The following CDYL2 variants were observed in gnomAD, a reference collection of about 807,000 sequenced individuals.
CDYL2 encodes the protein chromodomain Y like 2.
Under a neutral mutation model 49.4 loss-of-function variants are expected in CDYL2, and 23 were observed. The observed-to-expected ratio is 0.47, with a 90% CI of 0.34 to 0.66. The LOEUF (loss-of-function observed/expected upper bound fraction) is 0.66, where lower values mean the gene tolerates loss of function less well. CDYL2 is among the 30% of genes least tolerant of loss of function. CDYL2 has a pLI of 0.01. For missense variants in CDYL2, 678 were observed against 656.4 expected (o/e 1.03, Z -0.36); for synonymous variants, 360 against 268.8 (o/e 1.34, Z -3.32).
chr16:80,689,370 G>A (rs1266556378), intron 1 of CDYL2, among the ~76,000 whole-genome samples: 1 of 152,186 alleles, frequency 6.6e-6, no homozygotes, highest in Non-Finnish European at 1.5e-5. Flanking sequence ...ATAGTTCCAG[G>A]AACTGTGTAA....
At chr16:80,676,060 C>T (rs1451396504) in intron 2 of CDYL2, among the ~76,000 whole-genome samples, 2 of 152,110 alleles carry the variant, frequency 1.3e-5, no homozygotes, top group Non-Finnish European at 2.9e-5. Context: ...CGATTCTCCC[C>T]TTGGATCTGC....
At chr16:80,712,215 A>ATATATATATATC (rs763194077) in intron 1 of CDYL2, among the ~76,000 whole-genome samples, 61 of 128,372 alleles carry the variant, frequency 4.8e-4, no homozygotes, top group South Asian at 1.8e-3. Flanking sequence ...ATATATATAT[A>ATATATATATATC]TCTCCAAACC....
chr16:80,761,631 G>A (rs564803277), intron 1 of CDYL2, among the ~76,000 whole-genome samples: 1 of 152,190 alleles, frequency 6.6e-6, no homozygotes, highest in South Asian at 2.1e-4. Flanking sequence ...TCTGAGAGAG[G>A]CCAGGAAGAC....
chr16:80,796,939 T>C (rs1315550793), intron 1 of CDYL2, among the ~76,000 whole-genome samples: 4 of 152,122 alleles, frequency 2.6e-5, no homozygotes, highest in Non-Finnish European at 4.4e-5. Context: ...CAAAGGACAT[T>C]ATTAACCATC....
chr16:80,732,999 C>G (rs981037266), intron 1 of CDYL2, among the ~76,000 whole-genome samples: 2 of 152,076 alleles, frequency 1.3e-5, no homozygotes, highest in African/African-American at 2.4e-5. Flanking sequence ...GTGATAAAGC[C>G]ATTGATCAAA....
intron 6 of CDYL2, 57 bp from the exon 7 acceptor site, chr16:80,604,603 T>G: frequency 6.3e-7 from 1 of 1,590,840 alleles, no homozygotes; most frequent in Non-Finnish European, 8.6e-7. Context: ...GCTCCAGAAC[T>G]AGGTACCTGG....
chr16:80,687,507 A>G (rs1249769491), intron 1 of CDYL2, among the ~76,000 whole-genome samples: 1 of 151,748 alleles, frequency 6.6e-6, no homozygotes, highest in African/African-American at 2.4e-5. Flanking sequence ...GATGGATGGT[A>G]GGATGTATGG....
chr16:80,770,857 G>A (rs1302736998), intron 1 of CDYL2, among the ~76,000 whole-genome samples: 4 of 152,120 alleles, frequency 2.6e-5, no homozygotes, highest in African/African-American at 9.7e-5. Flanking sequence ...AGGAAGAGAA[G>A]AAATTAAACG....
At chr16:80,606,020 G>C (rs1016394234) in intron 6 of CDYL2, among the ~76,000 whole-genome samples, 1 of 152,230 alleles carries the variant, frequency 6.6e-6, no homozygotes, top group Non-Finnish European at 1.5e-5. Context: ...GTTACAGCCA[G>C]AAGTGAGGCC....
chr16:80,759,149 AAATATATGGTT>A (rs1906439336), intron 1 of CDYL2, among the ~76,000 whole-genome samples: 50 of 114,050 alleles, frequency 4.4e-4, no homozygotes, highest in African/African-American at 6.5e-4. Flanking sequence ...TGGTTTATAT[AAATATATGGTT>A]TATATATATA....
chr16:80,628,217 T>C (rs1278866678), intron 3 of CDYL2: 2 of 152,252 alleles, frequency 1.3e-5, no homozygotes, highest in Admixed American at 6.5e-5. Flanking sequence ...TTGCCTTCTG[T>C]GTGATTTAAA....
intron 1 of CDYL2, among the ~76,000 whole-genome samples, chr16:80,704,625 G>A (rs1904341627): frequency 4.6e-5 from 7 of 152,232 alleles, no homozygotes. Context: ...CTCCTTGGAG[G>A]AAGTGACATT....
intron 2 of CDYL2, 85 bp downstream of exon 2, chr16:80,684,453 G>C: frequency 8.0e-7 from 1 of 1,248,722 alleles, no homozygotes; most frequent in Non-Finnish European, 1.1e-6. Context: ...GGAGGTGGGG[G>C]TCTTATGTAT....
intron 1 of CDYL2, among the ~76,000 whole-genome samples, chr16:80,760,330 C>T (rs1906482353): frequency 6.6e-6 from 1 of 152,090 alleles, no homozygotes; most frequent in Non-Finnish European, 1.5e-5. Flanking sequence ...CTATCACAGA[C>T]TGTGAAGGGT....
chr16:80,622,543 G>A (rs953239080), intron 3 of CDYL2, among the ~76,000 whole-genome samples: 1 of 152,070 alleles, frequency 6.6e-6, no homozygotes, highest in Non-Finnish European at 1.5e-5. Context: ...ATAAAGACAG[G>A]AATTGCATCT....
chr16:80,680,807 G>C (rs1043266122), intron 2 of CDYL2, among the ~76,000 whole-genome samples: 1 of 152,056 alleles, frequency 6.6e-6, no homozygotes, highest in African/African-American at 2.4e-5. Context: ...ACACACCTGT[G>C]GCTGTTACAA....
chr16:80,773,292 T>C (rs1172509061), intron 1 of CDYL2, among the ~76,000 whole-genome samples: 1 of 152,172 alleles, frequency 6.6e-6, no homozygotes, highest in Non-Finnish European at 1.5e-5. Flanking sequence ...TCATAAAATA[T>C]ATAATGTAAA....
chr16:80,684,633 G>C lies in CDYL2; in HGVS notation c.521C>G (p.Ser174Cys), dbSNP rs1424744282. The C allele has an allele frequency of 8.7e-6, 14 of 1,614,022 alleles. No individual in the cohort carries two copies. Among genetic ancestry groups the C allele is most frequent in the East Asian group, 2.2e-5 (1 of 44,894 alleles). Residue 174 changes from serine to cysteine, a missense_variant, in exon 2 of 7, where the codon TCC becomes TGC. Coordinates refer to ENST00000570137, the MANE Select transcript of CDYL2 (RefSeq NM_152342.4). ...EKDERHFGNG[S>C]HQPGLDLNDH... ...ATTCAAATCCAAGCCAGGCTGATGG[G>C]ACCCATTTCCAAAGTGCCTCTCATC...
intron 3 of CDYL2, chr16:80,628,343 G>A (rs987980811): frequency 2.0e-5 from 3 of 152,260 alleles, no homozygotes; most frequent in African/African-American, 7.2e-5. Flanking sequence ...AGGAGAATAG[G>A]TGACAAAAGG....
Sources: allele counts gnomAD v4.1 joint callset (sites outside exome capture counted in the v4.1 genomes callset), GRCh38; gene constraint gnomAD v4.1.1; transcripts MANE v1.5; gene names NCBI Gene and HGNC (gene_info 2026-07-23, HGNC 2026-07-21).